OTOGL: variants seen among roughly 807,000 people sequenced by gnomAD.
OTOGL encodes the protein otogelin-like protein.
In OTOGL, 285 loss-of-function variants were observed where a neutral mutation model predicts 318.5. The observed-to-expected ratio is 0.89, with a 90% CI of 0.81 to 0.99. OTOGL has a LOEUF of 0.99. Ranked by LOEUF, OTOGL falls within the 50% of genes least tolerant of loss-of-function variation. The probability of loss-of-function intolerance (pLI) is 0.00; values close to 1 mark genes in which losing one functional copy is unlikely to be tolerated. For missense variants in OTOGL, 2,899 were observed against 2,845.6 expected (o/e 1.02, Z -0.43); for synonymous variants, 987 against 936.5 (o/e 1.05, Z -0.99).
chr12:80,155,445 A>T (rs1873052275), intron 1 of OTOGL, among the ~76,000 whole-genome samples: 1 of 152,154 alleles, frequency 6.6e-6, no homozygotes, highest in African/African-American at 2.4e-5. Flanking sequence ...GTCTATTATC[A>T]ACTTTGAGTT....
intron 20 of OTOGL, 61 bp downstream of exon 20, chr12:80,265,271 A>G: frequency 6.9e-7 from 1 of 1,438,966 alleles, no homozygotes; most frequent in Non-Finnish European, 9.6e-7. Flanking sequence ...CTATGTTTGT[A>G]ATGACTGCTT....
At chr12:80,337,823 A>G (rs942513441) in intron 42 of OTOGL, among the ~76,000 whole-genome samples, 5 of 152,150 alleles carry the variant, frequency 3.3e-5, no homozygotes, top group Admixed American at 6.6e-5. Flanking sequence ...GAAGATATTT[A>G]AAAGGTTTAA....
intron 5 of OTOGL, 57 bp downstream of exon 5, chr12:80,217,721 A>T: frequency 4.0e-6 from 5 of 1,257,218 alleles, no homozygotes; most frequent in East Asian, 2.5e-5. Context: ...CCTTTGGGGG[A>T]TATATTGAAT....
intron 44 of OTOGL, among the ~76,000 whole-genome samples, chr12:80,347,398 T>C (rs1273232910): frequency 4.6e-5 from 7 of 152,110 alleles, no homozygotes; most frequent in Non-Finnish European, 1.0e-4. Flanking sequence ...CGGTGTTTGG[T>C]TTTCCGTTCC....
At chr12:80,221,074 C>G (rs1402517371) in intron 6 of OTOGL, among the ~76,000 whole-genome samples, 1 of 151,842 alleles carries the variant, frequency 6.6e-6, no homozygotes, top group African/African-American at 2.4e-5. Context: ...GTATTGAGTG[C>G]TCAGTGAATG....
intron 39 of OTOGL, 48 bp from the exon 40 acceptor site, chr12:80,336,365 A>G: frequency 6.6e-7 from 1 of 1,505,296 alleles, no homozygotes; most frequent in Non-Finnish European, 8.9e-7. Context: ...TTATTACTGA[A>G]AATGCAGATA....
chr12:80,225,716 G>A (rs1318619999), intron 7 of OTOGL, among the ~76,000 whole-genome samples: 1 of 151,684 alleles, frequency 6.6e-6, no homozygotes, highest in Non-Finnish European at 1.5e-5. Context: ...AAATATTCTT[G>A]ATACATCCAA....
At chr12:80,277,984 A>G (rs1420521546) in intron 24 of OTOGL, among the ~76,000 whole-genome samples, 184 bp from the exon 25 acceptor site, 2 of 151,530 alleles carry the variant, frequency 1.3e-5, no homozygotes, top group African/African-American at 4.8e-5. Flanking sequence ...GTACTGCGAT[A>G]TGTAAGGTAC....
intron 23 of OTOGL, 114 bp from the exon 24 acceptor site, chr12:80,271,534 C>T (rs918141241): frequency 2.9e-5 from 29 of 1,013,346 alleles, no homozygotes; most frequent in Middle Eastern, 2.5e-4. Flanking sequence ...AGGCAGCTAA[C>T]ATTCTCAAAC....
At chr12:80,133,076 A>T (rs945466923) in intron 1 of OTOGL, among the ~76,000 whole-genome samples, 1 of 152,158 alleles carries the variant, frequency 6.6e-6, no homozygotes, top group East Asian at 1.9e-4. Flanking sequence ...AAATTTAATT[A>T]TTTTTAATTG....
At chr12:80,223,843 G>A (rs1220855062) in intron 7 of OTOGL, among the ~76,000 whole-genome samples, 3 of 152,024 alleles carry the variant, frequency 2.0e-5, no homozygotes, top group African/African-American at 7.2e-5. Flanking sequence ...ATTGTTGGAT[G>A]TATAGATTGC....
chr12:80,262,513 C>G (rs931981682), intron 19 of OTOGL, among the ~76,000 whole-genome samples: 1 of 151,964 alleles, frequency 6.6e-6, no homozygotes, highest in Non-Finnish European at 1.5e-5. Flanking sequence ...GCTCATGAGC[C>G]CTACTCATAG....
At chr12:80,110,735 T>C (rs1248175976) in intron 1 of OTOGL, among the ~76,000 whole-genome samples, 1 of 152,130 alleles carries the variant, frequency 6.6e-6, no homozygotes, top group South Asian at 2.1e-4. Flanking sequence ...GTCTTTATAG[T>C]AGAATGATTT....
At chr12:80,135,831 T>G (rs1871533467) in intron 1 of OTOGL, among the ~76,000 whole-genome samples, 1 of 152,192 alleles carries the variant, frequency 6.6e-6, no homozygotes, top group Non-Finnish European at 1.5e-5. Context: ...TCTCATCCAA[T>G]CAGTTGAAGG....
chr12:80,268,814 G>A lies in OTOGL; in HGVS notation c.2466-1288G>A, dbSNP rs1883196486. ...TCTTCCCTGGACCTTCCTCTCTGGT[G>A]TTCTTGCCTCTAGTTTTTCCCCTCT... On this transcript the variant is annotated intron_variant, in intron 22 of 58. Coordinates refer to ENST00000547103, the MANE Select transcript of OTOGL (RefSeq NM_001378609.3). Among the ~76,000 whole-genome samples, 3 of 149,796 alleles carry A rather than the reference G, an allele frequency of 2.0e-5. No individual in the cohort carries two copies. In the South Asian group the frequency reaches 6.3e-4, roughly 31 times the overall value.
chr12:80,149,219 C>G (rs1872607764), intron 1 of OTOGL, among the ~76,000 whole-genome samples: 1 of 152,274 alleles, frequency 6.6e-6, no homozygotes, highest in Admixed American at 6.5e-5. Context: ...TGGTGATGTA[C>G]AGATGGGTTT....
intron 26 of OTOGL, among the ~76,000 whole-genome samples, chr12:80,292,306 T>C (rs754605493): frequency 1.3e-5 from 2 of 152,174 alleles, no homozygotes; most frequent in Non-Finnish European, 2.9e-5. Context: ...TTCTTGACTT[T>C]AGAAAACAAA....
rs1460085783 is a variant in OTOGL, at chr12:80,342,107, G to T, written c.5210G>T (p.Cys1737Phe). The T allele has an allele frequency of 6.2e-7, 1 of 1,603,140 alleles. No homozygotes were observed. Among genetic ancestry groups the T allele is most frequent in the East Asian group, 2.2e-5 (1 of 44,576 alleles). ...GTTAGGAATTGTACTGAGCATGATT[G>T]CAGCCAGTGCATTGATTTATTAAAT... is the stretch of plus-strand genomic sequence containing the variant. Reference protein sequence around the residue: ...RPVRNCTEHDCSQCIDLLNRR... With the variant: ...RPVRNCTEHDFSQCIDLLNRR... Residue 1737 changes from cysteine to phenylalanine, a missense_variant, in exon 44 of 59, where the codon TGC becomes TTC. Around this residue, in one of 3 missense-constraint regions of OTOGL, gnomAD observed 2,607 missense variants for 2,524.9 expected, o/e 1.03. Transcript: ENST00000547103.
intron 45 of OTOGL, 85 bp downstream of exon 45, chr12:80,352,521 C>A: frequency 8.7e-7 from 1 of 1,154,944 alleles, no homozygotes. Flanking sequence ...TCTTTTTTAT[C>A]ATGAACTAAT....
Sources: gnomAD v4.1 joint callset for allele counts (sites outside exome capture counted in the v4.1 genomes callset) on GRCh38, gnomAD v4.1.1 for gene constraint, gnomAD v4.1.1 regional missense constraint, MANE v1.5 for transcripts, NCBI Gene and HGNC (gene_info 2026-07-23, HGNC 2026-07-21) for gene names.